VPS13B: variants seen among roughly 807,000 people sequenced by gnomAD.
VPS13B encodes the protein vacuolar protein sorting 13 homolog B.
Under a neutral mutation model 426.4 loss-of-function variants are expected in VPS13B, and 285 were observed. The ratio of observed to expected loss-of-function variants is 0.67; its 90% CI spans 0.61 to 0.74. The LOEUF is 0.74. Ranked by LOEUF, VPS13B falls within the 30% of genes least tolerant of loss-of-function variation. The pLI, the probability that VPS13B is intolerant of heterozygous loss-of-function variation, is 0.00. For synonymous variants in VPS13B, 1,676 were observed against 1,676.4 expected, an observed-to-expected ratio of 1.00 and a Z score of 0.01; for missense variants, 4,537 against 4,782.6, an observed-to-expected ratio of 0.95 and a Z score of 1.51.
At chr8:99,063,337 G>T (rs1157610093) in intron 3 of VPS13B, among the ~76,000 whole-genome samples, 1 of 152,148 alleles carries the variant, frequency 6.6e-6, no homozygotes, top group Non-Finnish European at 1.5e-5. Flanking sequence ...TGTGACAGAC[G>T]GTACCTGGAA....
At chr8:99,555,010 C>T (rs1210915457) in intron 30 of VPS13B, among the ~76,000 whole-genome samples, 5 of 152,000 alleles carry the variant, frequency 3.3e-5, no homozygotes, top group Non-Finnish European at 7.4e-5. Flanking sequence ...GAGAATTATC[C>T]TCAGTTTCTC....
chr8:99,433,386 T>C (rs1817215618), intron 22 of VPS13B, among the ~76,000 whole-genome samples: 1 of 152,184 alleles, frequency 6.6e-6, no homozygotes, highest in South Asian at 2.1e-4. Context: ...TAAAGGCCTG[T>C]TATATACAGA....
At chr8:99,156,999 T>A (rs1251257924) in intron 15 of VPS13B, among the ~76,000 whole-genome samples, 1 of 152,198 alleles carries the variant, frequency 6.6e-6, no homozygotes, top group African/African-American at 2.4e-5. Context: ...TTTTGAATAA[T>A]TTTATTTATC....
intron 33 of VPS13B, among the ~76,000 whole-genome samples, chr8:99,583,806 G>A (rs1051469627): frequency 1.3e-5 from 2 of 152,146 alleles, no homozygotes; most frequent in Non-Finnish European, 2.9e-5. Flanking sequence ...GTGGGTAAAG[G>A]GGGGTTTGAG....
At chr8:99,760,712 T>A (rs1375777098) in intron 39 of VPS13B, among the ~76,000 whole-genome samples, 2 of 152,234 alleles carry the variant, frequency 1.3e-5, no homozygotes, top group African/African-American at 4.8e-5. Context: ...AGAGTTAGCC[T>A]TTTGTATCCA....
chr8:99,623,590 C>T (rs7008019), intron 33 of VPS13B, among the ~76,000 whole-genome samples: 20,716 of 151,942 alleles, frequency 0.14, 1,965 homozygotes, highest in East Asian at 0.39. Flanking sequence ...AATGAATCAC[C>T]GCAAAGAAGT....
intron 41 of VPS13B, among the ~76,000 whole-genome samples, chr8:99,777,448 C>T (rs571961082): frequency 1.4e-4 from 22 of 152,224 alleles, no homozygotes; most frequent in Non-Finnish European, 2.8e-4. Context: ...TTTTTTATAA[C>T]CATCAGATCT....
chr8:99,337,341 C>T (rs577366650), intron 19 of VPS13B, among the ~76,000 whole-genome samples: 1 of 129,472 alleles, frequency 7.7e-6, no homozygotes, highest in Admixed American at 9.6e-5. Context: ...GGAAGGGGAA[C>T]ATCACACTCT....
chr8:99,440,069 T>C (rs1194665600), intron 22 of VPS13B, among the ~76,000 whole-genome samples: 1 of 152,118 alleles, frequency 6.6e-6, no homozygotes, highest in East Asian at 1.9e-4. Context: ...ATAGAGGTGG[T>C]TCCACTTCAA....
At chr8:99,054,271 GT>G (rs572028719) in intron 3 of VPS13B, among the ~76,000 whole-genome samples, 156 of 152,314 alleles carry the variant, frequency 1.0e-3, no homozygotes, top group African/African-American at 3.5e-3. Context: ...TACAGTGGCT[GT>G]ACCATTGTAT....
chr8:99,328,548 G>A (rs751126161), intron 19 of VPS13B, among the ~76,000 whole-genome samples: 48 of 152,122 alleles, frequency 3.2e-4, no homozygotes, highest in Non-Finnish European at 3.8e-4. Context: ...TGATATAGGT[G>A]TCTTGTAGGA....
intron 33 of VPS13B, among the ~76,000 whole-genome samples, chr8:99,592,362 G>T (rs1296340154): frequency 6.6e-6 from 1 of 152,002 alleles, no homozygotes; most frequent in African/African-American, 2.4e-5. Flanking sequence ...TCCATTGCTG[G>T]TGAGGAGCTA....
At chr8:99,855,962 C>G (rs1293679378) in intron 56 of VPS13B, among the ~76,000 whole-genome samples, 1 of 152,180 alleles carries the variant, frequency 6.6e-6, no homozygotes, top group Admixed American at 6.5e-5. Context: ...TGCTTTTTCA[C>G]ATAAGAAGCA....
intron 24 of VPS13B, among the ~76,000 whole-genome samples, chr8:99,475,139 A>T (rs1319084373): frequency 6.6e-6 from 1 of 152,244 alleles, no homozygotes; most frequent in Non-Finnish European, 1.5e-5. Context: ...ATGTTAAAAT[A>T]TGCAGATTAC....
intron 29 of VPS13B, among the ~76,000 whole-genome samples, chr8:99,513,078 A>G (rs1351468225): frequency 2.6e-5 from 4 of 151,778 alleles, no homozygotes; most frequent in African/African-American, 7.2e-5. Context: ...ATAAAATTAC[A>G]GAAGTTTTAT....
chr8:99,263,279 C>A (rs1226539141), intron 17 of VPS13B, among the ~76,000 whole-genome samples: 1 of 152,158 alleles, frequency 6.6e-6, no homozygotes, highest in East Asian at 1.9e-4. Context: ...TCAGTGTTGG[C>A]CCTGAAAGCT....
At chr8:99,626,198 C>A (rs374786370) in intron 33 of VPS13B, among the ~76,000 whole-genome samples, 22 of 152,202 alleles carry the variant, frequency 1.4e-4, no homozygotes, top group African/African-American at 4.6e-4. Flanking sequence ...AACCTGTATC[C>A]ATCAACTAAT....
At chr8:99,722,865 A>G (rs1342641223) in intron 39 of VPS13B, among the ~76,000 whole-genome samples, 1 of 152,248 alleles carries the variant, frequency 6.6e-6, no homozygotes, top group East Asian at 1.9e-4. Flanking sequence ...TTTTCAATCA[A>G]CATGAAAATA....
In VPS13B at chr8:99,143,235, T is replaced by A. The variant is rs187332769; in HGVS notation, c.1843+70T>A. Reference sequence around the variant, plus strand: ...GAATAATTATATAATCCAATTTGTGTTGTCTTGCTAACTTTACGTTTTTAG... The same window carrying A: ...GAATAATTATATAATCCAATTTGTGATGTCTTGCTAACTTTACGTTTTTAG... On this transcript the variant is annotated intron_variant, in intron 13 of 61. Coordinates refer to ENST00000357162, the MANE Select transcript of VPS13B (RefSeq NM_152564.5). 7.3e-5 allele frequency: 117 copies of A among 1,597,754 alleles called. 1 individual carries two copies. The East Asian group carries it at 2.5e-3, about 35-fold the overall frequency.
Sources: allele counts gnomAD v4.1 joint callset (sites outside exome capture counted in the v4.1 genomes callset), GRCh38; gene constraint gnomAD v4.1.1; transcripts MANE v1.5; gene names NCBI Gene and HGNC (gene_info 2026-07-23, HGNC 2026-07-21).